The following ULK1 variants were observed in gnomAD, a reference collection of about 807,000 sequenced individuals.
The protein encoded by ULK1 is unc-51 like autophagy activating kinase 1, also known as serine/threonine-protein kinase ULK1.
In ULK1, 48 loss-of-function variants were observed where a neutral mutation model predicts 117.5. That is an observed-to-expected ratio of 0.41 (90% CI 0.32 to 0.52). The LOEUF (loss-of-function observed/expected upper bound fraction) is 0.52. Among genes scored for constraint, ULK1 ranks in the 20% least tolerant of loss-of-function variants. ULK1 has a pLI of 0.29. For synonymous variants in ULK1, 790 were observed against 637.8 expected, an observed-to-expected ratio of 1.24 and a Z score of -3.60; for missense variants, 1,387 against 1,473.4, an observed-to-expected ratio of 0.94 and a Z score of 0.96.
chr12:131,915,457 C>G (rs1439388250), intron 18 of ULK1, 36 bp downstream of exon 18: 1 of 1,602,310 alleles, frequency 6.2e-7, no homozygotes, highest in African/African-American at 1.3e-5. Context: ...GGGTGCTAGG[C>G]TGACCTCCCT....
rs751922661 is a variant in ULK1 at position 131,895,073 on chromosome 12, C to T, written c.72C>T (p.His24=). ...FEFSRKDLIG[H]GAFAVVFKGR... Reference sequence around the variant, plus strand: ...TCTCCCGCAAGGACCTGATCGGCCACGGCGCCTTCGCGGTGGTCTTCAAGG... The same window carrying T: ...TCTCCCGCAAGGACCTGATCGGCCATGGCGCCTTCGCGGTGGTCTTCAAGG... The change falls in exon 1 of 28, where the codon CAC becomes CAT. Residue 24 remains histidine (H), a synonymous_variant. Transcript: ENST00000321867. 40 of 1,580,776 alleles carry T rather than the reference C, an allele frequency of 2.5e-5. No homozygotes were observed. The African/African-American group carries it at 4.2e-4, about 17-fold the overall frequency.
chr12:131,914,977 C>G, intron 16 of ULK1, 106 bp from the exon 17 acceptor site: 1 of 1,462,964 alleles, frequency 6.8e-7, no homozygotes, highest in Non-Finnish European at 9.1e-7. Context: ...TCCTGGGCTG[C>G]TGGGGCCTCC....
Position 131,918,737 on chromosome 12 carries a change from GTGGGGTGT to G in ULK1, c.2511+57_2511+64del. 4 of 1,446,548 alleles carry G rather than the reference GTGGGGTGT, an allele frequency of 2.8e-6. 1 individual carries two copies. Among genetic ancestry groups the G allele is most frequent in the East Asian group, 5.7e-5 (2 of 35,044 alleles). The allele number at this position is 1,446,548 out of a possible 1,614,324, so 89.6% of individuals were successfully genotyped here. A position where few individuals can be genotyped will look rare whatever the true frequency, so the allele number is the denominator to read the frequency against. The stretch of plus-strand genomic sequence containing the variant: ...TCTGGCTGGAGGGTGTGTGGGGTGT[GTGGGGTGT>G]CGGGTGTGTGGGGTATAGGGTGTGT... On this transcript the variant is annotated intron_variant, in intron 23 of 27. Transcript: ENST00000321867.
At position 131,908,765 on chromosome 12, in the gene ULK1, G is replaced by A; in HGVS notation, c.438G>A (p.Leu146=). The A allele has an allele frequency of 6.2e-7, 1 of 1,608,024 alleles. No individual in the cohort carries two copies. Among genetic ancestry groups the A allele is most frequent in the Non-Finnish European group, 8.5e-7 (1 of 1,178,264 alleles). ...ACCTGAAACCGCAGAACATCCTGCT[G>A]TCCAACCCCGCCGGCCGCCGCGCCA... The part of the protein sequence containing the change: ...HRDLKPQNIL[L]SNPAGRRANP... The change falls in exon 6 of 28, where the codon CTG becomes CTA. Residue 146 remains leucine, a synonymous_variant. Coordinates refer to ENST00000321867, the MANE Select transcript of ULK1 (RefSeq NM_003565.4).
At position 131,918,746 on chromosome 12, in the gene ULK1, C is replaced by CGGGTGTGTGGGGTATA. The variant is rs1353819443; in HGVS notation, c.2511+79_2511+94dup. The CGGGTGTGTGGGGTATA allele has an allele frequency of 5.7e-3, 2,611 of 457,182 alleles. 285 individuals are homozygous for CGGGTGTGTGGGGTATA. Among genetic ancestry groups the CGGGTGTGTGGGGTATA allele is most frequent in the Middle Eastern group, 8.3e-3 (10 of 1,208 alleles). The allele number at this position is 457,182 out of a possible 1,614,324, so 28.3% of individuals were successfully genotyped here. A position where few individuals can be genotyped will look rare whatever the true frequency, so the allele number is the denominator to read the frequency against. On this transcript the variant is annotated intron_variant, in intron 23 of 27. Coordinates refer to ENST00000321867, the MANE Select transcript of ULK1 (RefSeq NM_003565.4). ...AGGGTGTGTGGGGTGTGTGGGGTGT[C>CGGGTGTGTGGGGTATA]GGGTGTGTGGGGTATAGGGTGTGTG...
chr12:131,905,763 T>C (rs1889249174), intron 3 of ULK1, among the ~76,000 whole-genome samples: 1 of 152,104 alleles, frequency 6.6e-6, no homozygotes, highest in African/African-American at 2.4e-5. Flanking sequence ...AGTGGTGGGC[T>C]ACAGGGAGGC....
chr12:131,909,128 T>C lies in ULK1; in HGVS notation c.565-8T>C, dbSNP rs1305790658. 1 of 1,604,374 alleles carries C rather than the reference T, an allele frequency of 6.2e-7. No individual in the cohort carries two copies. Among genetic ancestry groups the C allele is most frequent in the African/African-American group, 1.3e-5 (1 of 74,744 alleles). On this transcript the variant is annotated splice_region_variant and splice_polypyrimidine_tract_variant and intron_variant, in intron 7 of 27. Transcript: ENST00000321867. ...GGCCTCACACTGACCCGACTTCTGG[T>C]CCCGCAGGCCCCCGAGGTCATCATG...
chr12:131,920,427 G>A lies in ULK1; in HGVS notation c.2961+291G>A, dbSNP rs551865918. 2.5e-5 allele frequency: 10 copies of A among 392,194 alleles called. No homozygotes were observed. The East Asian group carries it at 3.6e-4, about 14-fold the overall frequency. The allele number at this position is 392,194 out of a possible 1,614,324, so 24.3% of individuals were successfully genotyped here. ...CTTGGTCTTCAGGCCTCGTAGTCAG[G>A]TGTCAGCCTCCAGAAGCAGCACCTG... On this transcript the variant is annotated intron_variant, in intron 26 of 27. Coordinates refer to ENST00000321867, the MANE Select transcript of ULK1 (RefSeq NM_003565.4).
rs369823883 is a variant in ULK1, at chr12:131,920,084, G to A, written c.2909G>A (p.Arg970His). 1.9e-5 allele frequency: 30 copies of A among 1,612,666 alleles called. No homozygotes were observed. Among genetic ancestry groups the A allele is most frequent in the South Asian group, 4.4e-5 (4 of 91,082 alleles). Residue 970 changes from arginine (R) to histidine (H), a missense_variant, in exon 26 of 28, where the codon CGC becomes CAC. By Grantham distance (29) the Arg-to-His change is conservative. Transcript: ENST00000321867. ...FFLDKQRLLD[R>H]IHSITAERLI... is the part of the protein sequence containing the mutation. ...CTGGACAAGCAGCGGCTCCTGGACC[G>A]CATTCACAGCATCACTGCCGAGAGG...
At chr12:131,915,275 G>A (rs1889723696) in intron 17 of ULK1, 44 bp downstream of exon 17, 3 of 1,609,102 alleles carry the variant, frequency 1.9e-6, no homozygotes, top group African/African-American at 2.7e-5. Flanking sequence ...TCTGTAGGCA[G>A]TGGGTGAGGA....
At chr12:131,918,247 C>T (rs1006793645) in intron 22 of ULK1, 10 of 563,402 alleles carry the variant, frequency 1.8e-5, no homozygotes, top group Middle Eastern at 4.6e-4. Flanking sequence ...CCAGAGGGTC[C>T]CTTGGTGGGC....
chr12:131,916,620 G>C lies in ULK1; in HGVS notation c.2072+29G>C, dbSNP rs775117993. 4 of 1,521,538 alleles carry C rather than the reference G, an allele frequency of 2.6e-6. No individual in the cohort carries two copies. In the South Asian group the frequency reaches 4.8e-5, roughly 18 times the overall value. The allele number at this position is 1,521,538 out of a possible 1,614,324, so 94.3% of individuals were successfully genotyped here. On this transcript the variant is annotated intron_variant, in intron 20 of 27. Transcript: ENST00000321867. The stretch of plus-strand genomic sequence containing the variant: ...AGTTGAGGGGACAGGCCTTGGACGG[G>C]CTTCTGAGGGGCAGCCTCTTTCCCC...
At position 131,895,791 on chromosome 12, in the gene ULK1, A is replaced by T; in HGVS notation, c.213A>T (p.Lys71Asn). Reference protein sequence around the residue: ...GKEIKILKELKHENIVALYDF... With the variant: ...GKEIKILKELNHENIVALYDF... ...TTGGGTTTCTGTCCTAGGAACTGAAACATGAAAACATCGTGGCCCTGTACG... is the reference window on the plus strand; with the variant it reads ...TTGGGTTTCTGTCCTAGGAACTGAATCATGAAAACATCGTGGCCCTGTACG... The change falls in exon 3 of 28, where the codon AAA becomes AAT. Residue 71 changes from lysine (K) to asparagine (N), a missense_variant. Lys to Asn is a moderately conservative substitution (Grantham distance 94). Transcript: ENST00000321867. 1 of 1,614,060 alleles carries T rather than the reference A, an allele frequency of 6.2e-7. No homozygotes were observed. Among genetic ancestry groups the T allele is most frequent in the Non-Finnish European group, 8.5e-7 (1 of 1,179,980 alleles).
At position 131,922,344 on chromosome 12, in the gene ULK1, G is replaced by A. The variant is rs996179427; in HGVS notation, c.*983G>A. 6.2e-5 allele frequency: 20 copies of A among 322,114 alleles called. No homozygotes were observed. Among genetic ancestry groups the A allele is most frequent in the African/African-American group, 4.1e-4 (19 of 45,838 alleles). 20.0% of individuals were successfully genotyped at this position (322,114 alleles called of 1,614,324 possible). On this transcript the variant is annotated 3_prime_UTR_variant, in exon 28 of 28. Coordinates refer to ENST00000321867, the MANE Select transcript of ULK1 (RefSeq NM_003565.4). ...CCGCCCCTCCCTGTGGCAGCAGCAG[G>A]ACAGGTGTGTGCCCAGCACCCTCCC...
chr12:131,916,561 C>T lies in ULK1; in HGVS notation c.2042C>T (p.Pro681Leu), dbSNP rs1318959659. ...HGQPLGPGLR[P>L]GEDPKGPFGR... ...CAGCCGTTGGGCCCTGGCCTGCGGCCAGGCGAGGACCCCAAGGGCCCCTTT... is the reference window on the plus strand; with the variant it reads ...CAGCCGTTGGGCCCTGGCCTGCGGCTAGGCGAGGACCCCAAGGGCCCCTTT... The change falls in exon 20 of 28, where the codon CCA becomes CTA. Residue 681 changes from proline to leucine, a missense_variant. Physicochemically the swap from Pro to Leu is moderately conservative, Grantham distance 98. Transcript: ENST00000321867. 1 of 1,597,054 alleles carries T rather than the reference C, an allele frequency of 6.3e-7. No individual in the cohort carries two copies. Among genetic ancestry groups the T allele is most frequent in the South Asian group, 1.1e-5 (1 of 90,294 alleles).
chr12:131,922,470 A>T lies in ULK1; in HGVS notation c.*1109A>T. 1 of 176,432 alleles carries T rather than the reference A, an allele frequency of 5.7e-6. No homozygotes were observed. Among genetic ancestry groups the T allele is most frequent in the Admixed American group, 5.8e-5 (1 of 17,196 alleles). The allele number at this position is 176,432 out of a possible 1,614,324, so 10.9% of individuals were successfully genotyped here. A position where few individuals can be genotyped will look rare whatever the true frequency, so the allele number is the denominator to read the frequency against. ...AGCTTTGACAGTCAGTTTTGATGTC[A>T]GCTCCTCGGCAGGGTAGGCCTGATG... On this transcript the variant is annotated 3_prime_UTR_variant, in exon 28 of 28. Transcript: ENST00000321867.
chr12:131,920,929 G>T, intron 26 of ULK1, 171 bp from the exon 27 acceptor site: 1 of 922,880 alleles, frequency 1.1e-6, no homozygotes, highest in East Asian at 2.7e-5. Flanking sequence ...TCTCCCCTTG[G>T]CCCTGTGACC....
chr12:131,921,674 A>G lies in ULK1; in HGVS notation c.*313A>G. The G allele has an allele frequency of 5.0e-6, 3 of 600,186 alleles. No homozygotes were observed. Among genetic ancestry groups the G allele is most frequent in the South Asian group, 1.9e-5 (1 of 53,856 alleles). 37.2% of individuals were successfully genotyped at this position (600,186 alleles called of 1,614,324 possible). A position where few individuals can be genotyped will look rare whatever the true frequency, so the allele number is the denominator to read the frequency against. On this transcript the variant is annotated 3_prime_UTR_variant, in exon 28 of 28. Coordinates refer to ENST00000321867, the MANE Select transcript of ULK1 (RefSeq NM_003565.4). ...TAGCCCCAGGGCAGCCCCGGAGGAC[A>G]GGCAAGGGCCTGAGACCACTGCCGA... is the stretch of plus-strand genomic sequence containing the variant.
Position 131,916,418 on chromosome 12 carries a change from C to G in ULK1, c.1899C>G (p.Phe633Leu). 6.3e-7 allele frequency: 1 copy of G among 1,590,214 alleles called. No homozygotes were observed. The highest frequency in any genetic ancestry group is 1.1e-5 in the South Asian group (1 of 89,290). ...CCTAGGCTGTGCCCTCCTTTGACTT[C>G]CCGAAGACCCCCAGCTCCCAGAACC... ...SPTKAVPSFD[F>L]PKTPSSQNLL... The change falls in exon 20 of 28, where the codon TTC becomes TTG. Residue 633 changes from phenylalanine to leucine, a missense_variant. By Grantham distance (22) the Phe-to-Leu change is conservative. Coordinates refer to ENST00000321867, the MANE Select transcript of ULK1 (RefSeq NM_003565.4).
Sources: gnomAD v4.1 joint callset for allele counts (sites outside exome capture counted in the v4.1 genomes callset) on GRCh38, gnomAD v4.1.1 for gene constraint, MANE v1.5 for transcripts, NCBI Gene and HGNC (gene_info 2026-07-23, HGNC 2026-07-21) for gene names.